Variants in MRPL21 observed in about 807,000 individuals in gnomAD.
The protein encoded by MRPL21 is mitochondrial ribosomal protein L21.
MRPL21 carries 20 observed loss-of-function variants against 27.3 expected under a neutral mutation model. The observed-to-expected ratio is 0.73, with a 90% CI of 0.52 to 1.06. The LOEUF is 1.06. Among genes scored for constraint, MRPL21 ranks in the 50% least tolerant of loss-of-function variants. The probability of loss-of-function intolerance (pLI) is 0.00; values close to 1 mark genes in which losing one functional copy is unlikely to be tolerated. For missense variants in MRPL21, 249 were observed against 251.4 expected, an observed-to-expected ratio of 0.99 and a Z score of 0.06; for synonymous variants, 98 against 101.5, an observed-to-expected ratio of 0.97 and a Z score of 0.21.
chr11:68,903,800 G>T lies in MRPL21; in HGVS notation c.11C>A (p.Ser4Tyr). 1.4e-6 allele frequency: 2 copies of T among 1,409,876 alleles called. No individual in the cohort carries two copies. The highest frequency in any genetic ancestry group is 1.9e-6 in the Non-Finnish European group (2 of 1,030,802). The allele number at this position is 1,409,876 out of a possible 1,614,324, so 87.3% of individuals were successfully genotyped here. MAA[S>Y]SLTVTLGRLA... Reference sequence around the variant, plus strand: ...CCGCCCTAAGGTGACCGTCAGGGAAGATGCTGCCATGGCCGCAGCCTCGGC... The same window carrying T: ...CCGCCCTAAGGTGACCGTCAGGGAATATGCTGCCATGGCCGCAGCCTCGGC... Residue 4 changes from serine (S) to tyrosine (Y), a missense_variant, in exon 1 of 7, where the codon TCT becomes TAT. Physicochemically the swap from Ser to Tyr is moderately radical, Grantham distance 144 (BLOSUM62 -2). Coordinates refer to ENST00000362034, the MANE Select transcript of MRPL21 (RefSeq NM_181514.2).
intron 1 of MRPL21, 62 bp downstream of exon 1, chr11:68,903,661 C>A (rs1209675454): frequency 3.8e-6 from 6 of 1,565,736 alleles, no homozygotes; most frequent in Non-Finnish European, 5.3e-6. Context: ...ACATACGTGG[C>A]GAGACCGCAG....
At chr11:68,893,809 C>T (rs1336893509) in intron 4 of MRPL21, among the ~76,000 whole-genome samples, 1 of 152,202 alleles carries the variant, frequency 6.6e-6, no homozygotes, top group Admixed American at 6.5e-5. Flanking sequence ...TGCGGTGGCT[C>T]ATGCCTGTAA....
At chr11:68,901,382 G>A (rs757100605) in intron 1 of MRPL21, among the ~76,000 whole-genome samples, 8 of 152,124 alleles carry the variant, frequency 5.3e-5, no homozygotes, top group Non-Finnish European at 7.4e-5. Context: ...TGATGTAACC[G>A]TAGATAACGC....
At chr11:68,891,882 C>T (rs938199498) in intron 6 of MRPL21, 20 of 481,884 alleles carry the variant, frequency 4.2e-5, no homozygotes, top group African/African-American at 1.9e-4. Flanking sequence ...ATTCTGCAGC[C>T]GCTCAGCTAT....
At chr11:68,895,696 G>GTTGTT (rs1424749278) in intron 4 of MRPL21, among the ~76,000 whole-genome samples, 6 of 152,074 alleles carry the variant, frequency 3.9e-5, no homozygotes, top group Non-Finnish European at 5.9e-5. Context: ...TTTGAGACAG[G>GTTGTT]GTCTCGCTGT....
At chr11:68,893,598 G>T in intron 4 of MRPL21, 143 bp from the exon 5 acceptor site, 1 of 1,144,030 alleles carries the variant, frequency 8.7e-7, no homozygotes, top group Non-Finnish European at 1.3e-6. Flanking sequence ...GCTGTCTAAT[G>T]ATCTCTTTAA....
chr11:68,893,310 G>C lies in MRPL21; in HGVS notation c.449+93C>G, dbSNP rs78998852. On this transcript the variant is annotated intron_variant, in intron 5 of 6. Transcript: ENST00000362034. The stretch of plus-strand genomic sequence containing the variant: ...TTTGGTGTCAACAAAGAATATGAAT[G>C]CAACTCCCCACCTGGCCTAATTGCA... The C allele has an allele frequency of 9.2e-4, 1,462 of 1,585,024 alleles. 14 individuals carry two copies. In the African/African-American group the frequency reaches 0.018, roughly 19 times the overall value.
At chr11:68,894,593 T>G (rs1857740441) in intron 4 of MRPL21, among the ~76,000 whole-genome samples, 1 of 152,218 alleles carries the variant, frequency 6.6e-6, no homozygotes, top group Non-Finnish European at 1.5e-5. Flanking sequence ...ACAGTGTTTT[T>G]ATTAGATGTT....
rs58887187 is a variant in MRPL21 at position 68,897,663 on chromosome 11, G to A, written c.232+264C>T. On this transcript the variant is annotated intron_variant, in intron 3 of 6. Transcript: ENST00000362034. ...GCTGTCGCTGCACCCACCAACAGAA[G>A]CAGACGAGATGGAGCAGGGGCCCCC... The A allele has an allele frequency of 7.5e-3, 3,993 of 531,638 alleles. 115 individuals carry two copies. Among genetic ancestry groups the A allele is most frequent in the African/African-American group, 0.06 (3,156 of 52,776 alleles). 32.9% of individuals were successfully genotyped at this position (531,638 alleles called of 1,614,324 possible).
At chr11:68,894,757 T>C (rs1321607267) in intron 4 of MRPL21, among the ~76,000 whole-genome samples, 1 of 152,254 alleles carries the variant, frequency 6.6e-6, no homozygotes, top group African/African-American at 2.4e-5. Flanking sequence ...TGTTTCAGCA[T>C]GACATGTGCA....
chr11:68,898,161 C>A, intron 2 of MRPL21, 149 bp from the exon 3 acceptor site: 1 of 665,512 alleles, frequency 1.5e-6, no homozygotes, highest in Non-Finnish European at 2.7e-6. Context: ...TCTGGGGTAA[C>A]CCCGAGGACA....
intron 2 of MRPL21, among the ~76,000 whole-genome samples, chr11:68,899,866 G>C (rs1218946023): frequency 6.6e-6 from 1 of 152,192 alleles, no homozygotes; most frequent in Non-Finnish European, 1.5e-5. Context: ...ACTGTTCTAA[G>C]AGCTTTAAAT....
At chr11:68,898,045 A>G (rs745518870) in intron 2 of MRPL21, 33 bp from the exon 3 acceptor site, 3 of 1,559,044 alleles carry the variant, frequency 1.9e-6, no homozygotes, top group African/African-American at 1.4e-5. Context: ...AAATGTCACA[A>G]GCACCTGAAA....
chr11:68,893,506 G>C, intron 4 of MRPL21, 51 bp from the exon 5 acceptor site: 1 of 1,611,398 alleles, frequency 6.2e-7, no homozygotes, highest in Admixed American at 1.7e-5. Context: ...CGATGAGTAA[G>C]AACAGTTGCT....
intron 6 of MRPL21, 95 bp from the exon 7 acceptor site, chr11:68,891,490 G>T: frequency 8.1e-7 from 1 of 1,241,444 alleles, no homozygotes. Flanking sequence ...CAGCCAGCGC[G>T]ACCCCGGCAA....
intron 6 of MRPL21, 22 bp downstream of exon 6, chr11:68,892,868 A>C: frequency 6.2e-7 from 1 of 1,604,290 alleles, no homozygotes; most frequent in Non-Finnish European, 8.5e-7. Context: ...AACAGGGCCC[A>C]GCGGTACTTT....
In MRPL21 at chr11:68,903,802, T is replaced by G. The variant is rs146167101; in HGVS notation, c.9A>C (p.Ala3=). MA[A]SSLTVTLGRL... is the part of the protein sequence containing the mutation. ...GCCCTAAGGTGACCGTCAGGGAAGA[T>G]GCTGCCATGGCCGCAGCCTCGGCCG... Residue 3 remains alanine (A), a synonymous_variant, in exon 1 of 7, where the codon GCA becomes GCC. Transcript: ENST00000362034. The G allele has an allele frequency of 7.4e-7, 1 of 1,352,876 alleles. No homozygotes were observed. Among genetic ancestry groups the G allele is most frequent in the Admixed American group, 1.8e-5 (1 of 54,982 alleles). The allele number at this position is 1,352,876 out of a possible 1,614,324, so 83.8% of individuals were successfully genotyped here. A position where few individuals can be genotyped will look rare whatever the true frequency, so the allele number is the denominator to read the frequency against.
chr11:68,899,464 C>T (rs1008597396), intron 2 of MRPL21, among the ~76,000 whole-genome samples: 2 of 152,166 alleles, frequency 1.3e-5, no homozygotes, highest in Non-Finnish European at 2.9e-5. Context: ...AATGCTTTCC[C>T]AGTGGGGTAG....
intron 3 of MRPL21, 38 bp downstream of exon 3, chr11:68,897,889 T>G: frequency 6.6e-7 from 1 of 1,504,754 alleles, no homozygotes; most frequent in Non-Finnish European, 9.3e-7. Flanking sequence ...AGGGTCTAGG[T>G]GGTGCCCTCT....
Sources: allele counts gnomAD v4.1 joint callset (sites outside exome capture counted in the v4.1 genomes callset), GRCh38; gene constraint gnomAD v4.1.1; transcripts MANE v1.5; gene names NCBI Gene and HGNC (gene_info 2026-07-23, HGNC 2026-07-21).